The following GPHN variants were observed in gnomAD, a reference collection of about 807,000 sequenced individuals.
GPHN encodes gephyrin.
GPHN carries 17 observed loss-of-function variants against 95.5 expected under a neutral mutation model. That is an observed-to-expected ratio of 0.18 (90% CI 0.12 to 0.27). The LOEUF is 0.27. GPHN is among the 10% of genes least tolerant of loss of function. GPHN has a pLI of 1.00. For synonymous variants in GPHN, 320 were observed against 322.5 expected (o/e 0.99, Z 0.08); for missense variants, 660 against 978.1 (o/e 0.67, Z 4.34).
Position 66,994,381 on chromosome 14 carries a change from A to G in GPHN, c.963+29056A>G, listed in dbSNP as rs557182400. Reference sequence around the variant, plus strand: ...ACTGTCTCAAAAAAAAGAAAAAAGAAAAAGAAAAATCTATCTTATCCTGTG... The same window carrying G: ...ACTGTCTCAAAAAAAAGAAAAAAGAGAAAGAAAAATCTATCTTATCCTGTG... On this transcript the variant is annotated intron_variant, in intron 9 of 22. Coordinates refer to ENST00000478722, the MANE Select transcript of GPHN (RefSeq NM_020806.5). 2.0e-4 allele frequency among the ~76,000 whole-genome samples: 30 copies of G among 152,188 alleles called. No individual in the cohort carries two copies. In the South Asian group the frequency reaches 4.8e-3, roughly 24 times the overall value.
chr14:67,512,888 C>T, the GPHN span, among the ~76,000 whole-genome samples: 1 of 152,326 alleles, frequency 6.6e-6, no homozygotes, highest in East Asian at 1.9e-4. Flanking sequence ...AAAAACTACA[C>T]TTTTAAAACC....
chr14:66,821,934 C>A (rs928571720), intron 3 of GPHN, among the ~76,000 whole-genome samples: 1 of 152,106 alleles, frequency 6.6e-6, no homozygotes, highest in East Asian at 1.9e-4. Flanking sequence ...AGTAATATTA[C>A]TGTAATAAAA....
chr14:66,537,443 GA>G lies in GPHN; in HGVS notation c.64+28853del, dbSNP rs375810235. ...TATCTTAGAGATTTTAATAAATCTT[GA>G]TTTTTTTTAGTGTATCTTAATGTTT... On this transcript the variant is annotated intron_variant, in intron 1 of 22. Transcript: ENST00000478722. 3.2e-3 allele frequency among the ~76,000 whole-genome samples: 479 copies of G among 151,770 alleles called. 2 individuals are homozygous for G. The highest frequency in any genetic ancestry group is 0.011 in the African/African-American group (454 of 41,318).
At chr14:66,830,866 G>A (rs1005958405) in intron 4 of GPHN, among the ~76,000 whole-genome samples, 1 of 151,876 alleles carries the variant, frequency 6.6e-6, no homozygotes, top group African/African-American at 2.4e-5. Context: ...CAGTTTTCTA[G>A]TACAAATTAA....
the GPHN span, among the ~76,000 whole-genome samples, chr14:67,645,439 C>A: frequency 6.6e-6 from 1 of 152,152 alleles, no homozygotes; most frequent in Non-Finnish European, 1.5e-5. Flanking sequence ...TAGCAAGTCA[C>A]CAGCTTCGAA....
chr14:67,650,846 C>T, the GPHN span: 1 of 1,614,108 alleles, frequency 6.2e-7, no homozygotes, highest in Non-Finnish European at 8.5e-7. Flanking sequence ...AGAAGGAGGG[C>T]ATATTGTCTA....
intron 3 of GPHN, among the ~76,000 whole-genome samples, chr14:66,780,201 CT>C (rs1458623774): frequency 6.6e-6 from 1 of 152,060 alleles, no homozygotes; most frequent in African/African-American, 2.4e-5. Flanking sequence ...ATGTTTTGGA[CT>C]TACTGAGTTT....
chr14:67,586,575 A>G, the GPHN span: 1 of 512,202 alleles, frequency 2.0e-6, no homozygotes, highest in Admixed American at 2.5e-5. Flanking sequence ...CTTTTGCTTT[A>G]GTGACTTTGT....
chr14:67,705,889 G>A, the GPHN span: 2 of 152,140 alleles, frequency 1.3e-5, no homozygotes, highest in African/African-American at 4.8e-5. Context: ...CACTCAAAAA[G>A]TATACAGCCA....
At chr14:67,368,993 T>C in the GPHN span, among the ~76,000 whole-genome samples, 1 of 151,950 alleles carries the variant, frequency 6.6e-6, no homozygotes, top group Non-Finnish European at 1.5e-5. Flanking sequence ...AGAAAACAAA[T>C]ACCTAAAATG....
In GPHN at chr14:67,110,235, C is replaced by T. The variant is rs773577927; in HGVS notation, c.1389C>T (p.Thr463=). The T allele has an allele frequency of 1.4e-5, 22 of 1,613,416 alleles. No individual in the cohort carries two copies. The highest frequency in any genetic ancestry group is 5.3e-5 in the African/African-American group (4 of 74,870). ...GADAVVQVED[T]ELIRESDDGT... ...ATGCAGTAGTACAAGTGGAAGATAC[C>T]GAACTTATCAGGGAATCAGATGATG... Residue 463 remains threonine (T), a synonymous_variant, in exon 14 of 23, where the codon ACC becomes ACT. Transcript: ENST00000478722.
At chr14:67,202,714 T>C in the GPHN span, among the ~76,000 whole-genome samples, 1 of 152,210 alleles carries the variant, frequency 6.6e-6, no homozygotes, top group Non-Finnish European at 1.5e-5. Flanking sequence ...TTTAAACTTA[T>C]GTGTAAATGT....
intron 8 of GPHN, among the ~76,000 whole-genome samples, chr14:66,947,167 C>T (rs1038679358): frequency 1.2e-4 from 18 of 152,148 alleles, no homozygotes; most frequent in African/African-American, 4.3e-4. Flanking sequence ...GCTTACTAAG[C>T]TCCATATAGC....
intron 8 of GPHN, among the ~76,000 whole-genome samples, chr14:66,925,252 C>T (rs1218606055): frequency 6.6e-6 from 1 of 152,136 alleles, no homozygotes; most frequent in Admixed American, 6.5e-5. Context: ...TCACTTCAAG[C>T]ATTCATCATT....
chr14:66,683,988 A>G (rs1212153668), intron 2 of GPHN, among the ~76,000 whole-genome samples: 3 of 152,074 alleles, frequency 2.0e-5, no homozygotes, highest in Non-Finnish European at 4.4e-5. Flanking sequence ...AAAAAAAAAA[A>G]AACTCCTCCT....
intron 2 of GPHN, among the ~76,000 whole-genome samples, chr14:66,688,550 C>T (rs149978609): frequency 6.6e-6 from 1 of 152,230 alleles, no homozygotes; most frequent in African/African-American, 2.4e-5. Context: ...GATTTTCTGT[C>T]CTGCAAAAGT....
At chr14:66,631,774 T>A (rs894487244) in intron 1 of GPHN, among the ~76,000 whole-genome samples, 1 of 152,180 alleles carries the variant, frequency 6.6e-6, no homozygotes. Context: ...TATTTGTAGT[T>A]CTACTTTATA....
chr14:67,136,116 G>GGGA (rs75878393), intron 17 of GPHN, among the ~76,000 whole-genome samples: 48,273 of 151,686 alleles, frequency 0.32, 12,006 homozygotes, highest in African/African-American at 0.68. Flanking sequence ...ATTTCTCTAG[G>GGGA]TATCCTAAAT....
chr14:67,400,160 G>C, the GPHN span, among the ~76,000 whole-genome samples: 1 of 152,200 alleles, frequency 6.6e-6, no homozygotes, highest in Non-Finnish European at 1.5e-5. Flanking sequence ...ATATAACTGA[G>C]CTTTGTGAAC....
Sources: gnomAD v4.1 joint callset for allele counts (sites outside exome capture counted in the v4.1 genomes callset) on GRCh38, gnomAD v4.1.1 for gene constraint, MANE v1.5 for transcripts, NCBI Gene and HGNC (gene_info 2026-07-23, HGNC 2026-07-21) for gene names.